The following ZNF277 variants were observed in gnomAD, a reference collection of about 807,000 sequenced individuals.
ZNF277 encodes zinc finger protein 277.
Under a neutral mutation model 60.7 loss-of-function variants are expected in ZNF277, and 55 were observed. The observed-to-expected ratio is 0.91, with a 90% CI of 0.73 to 1.13. The LOEUF (loss-of-function observed/expected upper bound fraction) is 1.13, where lower values mean the gene tolerates loss of function less well. ZNF277 is among the 50% of genes most tolerant of loss of function. The probability of loss-of-function intolerance (pLI) is 0.00; values close to 1 mark genes in which losing one functional copy is unlikely to be tolerated. For missense variants in ZNF277, 510 were observed against 523.0 expected, an observed-to-expected ratio of 0.98 and a Z score of 0.24; for synonymous variants, 178 against 179.3, an observed-to-expected ratio of 0.99 and a Z score of 0.06.
intron 1 of ZNF277, among the ~76,000 whole-genome samples, chr7:112,233,770 T>C (rs941617365): frequency 6.6e-6 from 1 of 152,218 alleles, no homozygotes; most frequent in Admixed American, 6.5e-5. Context: ...GTTCCAATAT[T>C]CTCATTTGAA....
intron 1 of ZNF277, among the ~76,000 whole-genome samples, chr7:112,246,070 T>C (rs1160985080): frequency 6.6e-6 from 1 of 152,122 alleles, no homozygotes; most frequent in Admixed American, 6.5e-5. Flanking sequence ...AAAAATATAA[T>C]GGCCCAGGAA....
rs112935131 is a variant in ZNF277, at chr7:112,275,918, G to A, written c.92-10955G>A. Among the ~76,000 whole-genome samples the A allele has an allele frequency of 3.0e-3, 463 of 152,310 alleles. 1 individual carries two copies. Among genetic ancestry groups the A allele is most frequent in the African/African-American group, 0.011 (447 of 41,570 alleles). On this transcript the variant is annotated intron_variant, in intron 1 of 11. Transcript: ENST00000361822. ...TCATCATTAGGTAGTTTGAAACTAAGAAATGCCACACGGAAATGGGGCAGC... is the reference window on the plus strand; with the variant it reads ...TCATCATTAGGTAGTTTGAAACTAAAAAATGCCACACGGAAATGGGGCAGC...
At chr7:112,279,879 A>T (rs1210703417) in intron 1 of ZNF277, among the ~76,000 whole-genome samples, 1 of 152,124 alleles carries the variant, frequency 6.6e-6, no homozygotes, top group East Asian at 1.9e-4. Flanking sequence ...TGAGTAGGCT[A>T]AGGAGAAGGA....
intron 3 of ZNF277, 39 bp from the exon 4 acceptor site, chr7:112,296,190 A>C (rs1484556449): frequency 7.3e-7 from 1 of 1,373,512 alleles, no homozygotes; most frequent in Non-Finnish European, 1.0e-6. Flanking sequence ...AAAATGGTTA[A>C]TATCTGTTTT....
chr7:112,322,095 A>G (rs1408017642), intron 5 of ZNF277, among the ~76,000 whole-genome samples: 1 of 151,988 alleles, frequency 6.6e-6, no homozygotes, highest in Non-Finnish European at 1.5e-5. Context: ...CCCCACCAGG[A>G]TTTGTGTTCC....
At chr7:112,320,722 G>A (rs1431040864) in intron 5 of ZNF277, among the ~76,000 whole-genome samples, 1 of 151,762 alleles carries the variant, frequency 6.6e-6, no homozygotes, top group Non-Finnish European at 1.5e-5. Flanking sequence ...TATCCATTCT[G>A]CCAGTCTTCA....
At position 112,298,584 on chromosome 7, in the gene ZNF277, A is replaced by T. The variant is rs572371929; in HGVS notation, c.465+2273A>T. 2.6e-5 allele frequency among the ~76,000 whole-genome samples: 4 copies of T among 152,316 alleles called. 1 individual carries two copies. The South Asian group carries it at 8.3e-4, about 32-fold the overall frequency. On this transcript the variant is annotated intron_variant, in intron 4 of 11. Coordinates refer to ENST00000361822, the MANE Select transcript of ZNF277 (RefSeq NM_021994.3). Reference sequence around the variant, plus strand: ...ACCCATTAATGTGCCCTCATTGTCCATCAGTGACATGAAGAAAAGAGTAAA... The same window carrying T: ...ACCCATTAATGTGCCCTCATTGTCCTTCAGTGACATGAAGAAAAGAGTAAA...
In ZNF277 at chr7:112,343,251, T is replaced by C. The variant is rs1332907182; in HGVS notation, c.*522T>C. On this transcript the variant is annotated 3_prime_UTR_variant, in exon 12 of 12. Transcript: ENST00000361822. ...GTCAAAGACGTGGATAATATGCAAA[T>C]TGGCCATTATATTAGAACAATCAAG... 6.6e-6 allele frequency among the ~76,000 whole-genome samples: 1 copy of C among 152,174 alleles called. No individual in the cohort carries two copies. The highest frequency in any genetic ancestry group is 6.5e-5 in the Admixed American group (1 of 15,270).
Position 112,240,603 on chromosome 7 carries a change from TA to T in ZNF277, c.91+33798del, listed in dbSNP as rs1790923784. On this transcript the variant is annotated intron_variant, in intron 1 of 11. Transcript: ENST00000361822. Reference sequence around the variant, plus strand: ...AAAAACAAATGCTACTGAGCTATGATAACCAAAACAGTATGGTACTGGCATA... The same window carrying T: ...AAAAACAAATGCTACTGAGCTATGATACCAAAACAGTATGGTACTGGCATA... Among the ~76,000 whole-genome samples the T allele has an allele frequency of 2.0e-5, 3 of 152,204 alleles. No individual in the cohort carries two copies. In the South Asian group the frequency reaches 6.2e-4, roughly 31 times the overall value.
At chr7:112,289,892 ATT>A (rs541713440) in intron 2 of ZNF277, among the ~76,000 whole-genome samples, 2 of 146,986 alleles carry the variant, frequency 1.4e-5, no homozygotes, top group East Asian at 2.0e-4. Flanking sequence ...CGCCTGGCTA[ATT>A]TTTTTTTTTT....
At position 112,264,891 on chromosome 7, in the gene ZNF277, A is replaced by G. The variant is rs1308584855; in HGVS notation, c.92-21982A>G. Reference sequence around the variant, plus strand: ...AATGCTTACGCTCATCTGAGCCTTCAGTGAGTTGTCATCTTTTTGCTGGTG... The same window carrying G: ...AATGCTTACGCTCATCTGAGCCTTCGGTGAGTTGTCATCTTTTTGCTGGTG... On this transcript the variant is annotated intron_variant, in intron 1 of 11. Coordinates refer to ENST00000361822, the MANE Select transcript of ZNF277 (RefSeq NM_021994.3). Among the ~76,000 whole-genome samples the G allele has an allele frequency of 2.6e-5, 4 of 152,204 alleles. No individual in the cohort carries two copies. The East Asian group carries it at 7.7e-4, about 29-fold the overall frequency.
chr7:112,283,507 A>G (rs1791994725), intron 1 of ZNF277, among the ~76,000 whole-genome samples: 1 of 152,220 alleles, frequency 6.6e-6, no homozygotes, highest in Non-Finnish European at 1.5e-5. Flanking sequence ...TGGGCAACAG[A>G]GTGAGACTCT....
intron 9 of ZNF277, among the ~76,000 whole-genome samples, chr7:112,339,630 G>A (rs932628574): frequency 6.6e-6 from 1 of 152,140 alleles, no homozygotes; most frequent in Non-Finnish European, 1.5e-5. Flanking sequence ...AATTATAATG[G>A]TTTAACTGAT....
chr7:112,213,335 T>C (rs145372315), intron 1 of ZNF277, among the ~76,000 whole-genome samples: 2 of 152,316 alleles, frequency 1.3e-5, no homozygotes, highest in Non-Finnish European at 2.9e-5. Flanking sequence ...GGTATGTCTT[T>C]ATCAGCAGCA....
rs539032672 is a variant in ZNF277 at position 112,269,944 on chromosome 7, C to T, written c.92-16929C>T. On this transcript the variant is annotated intron_variant, in intron 1 of 11. Coordinates refer to ENST00000361822, the MANE Select transcript of ZNF277 (RefSeq NM_021994.3). The stretch of plus-strand genomic sequence containing the variant: ...TTGTGTTGCTGAAAAACTTTGCATT[C>T]CACAAAATCACACAATAAGAATAAT... Among the ~76,000 whole-genome samples, 11 of 152,128 alleles carry T rather than the reference C, an allele frequency of 7.2e-5. No homozygotes were observed. The South Asian group carries it at 2.3e-3, about 32-fold the overall frequency.
At chr7:112,210,458 GTTTTTTGTTTTTT>G (rs1294775605) in intron 1 of ZNF277, among the ~76,000 whole-genome samples, 146 of 112,400 alleles carry the variant, frequency 1.3e-3, no homozygotes, top group Middle Eastern at 6.4e-3. Context: ...TTTTGTTTTT[GTTTTTTGTTTTTT>G]TTTTTTGTTT....
intron 4 of ZNF277, 68 bp downstream of exon 4, chr7:112,296,379 G>GTT: frequency 1.4e-6 from 1 of 730,212 alleles, no homozygotes; most frequent in Non-Finnish European, 2.0e-6. Flanking sequence ...AAATCATATT[G>GTT]GTTTTTTTTT....
chr7:112,321,223 C>G (rs909053600), intron 5 of ZNF277, among the ~76,000 whole-genome samples: 2 of 151,924 alleles, frequency 1.3e-5, no homozygotes, highest in East Asian at 3.9e-4. Flanking sequence ...ACCCGGCTCC[C>G]TTGTTTCTTA....
At chr7:112,240,197 G>C (rs1263174396) in intron 1 of ZNF277, among the ~76,000 whole-genome samples, 1 of 151,958 alleles carries the variant, frequency 6.6e-6, no homozygotes, top group African/African-American at 2.4e-5. Context: ...AAGAAGGAAG[G>C]GAAGACTACA....
Sources: gnomAD v4.1 joint callset for allele counts (sites outside exome capture counted in the v4.1 genomes callset) on GRCh38, gnomAD v4.1.1 for gene constraint, MANE v1.5 for transcripts, NCBI Gene and HGNC (gene_info 2026-07-23, HGNC 2026-07-21) for gene names.